The following SREK1 variants were observed in gnomAD, a reference collection of about 807,000 sequenced individuals.
SREK1 encodes the protein splicing regulatory glutamine/lysine-rich protein 1.
Under a neutral mutation model 66.5 loss-of-function variants are expected in SREK1, and 13 were observed. The ratio of observed to expected loss-of-function variants is 0.20; its 90% CI spans 0.13 to 0.31. The LOEUF (loss-of-function observed/expected upper bound fraction) is 0.31. SREK1 is among the 10% of genes least tolerant of loss of function. SREK1 has a pLI of 1.00. For synonymous variants in SREK1, 265 were observed against 263.5 expected (o/e 1.01, Z -0.05); for missense variants, 607 against 769.6 (o/e 0.79, Z 2.50).
chr5:66,153,574 G>T lies in SREK1; in HGVS notation c.273G>T (p.Leu91=). The part of the protein sequence containing the change: ...LTNTVFIDRA[L]IVVPCAEGKI... ...ACACGGTTTTTATTGACAGAGCTCT[G>T]ATAGTTGTTCCTTGTGCAGAAGGTT... Residue 91 remains leucine, a synonymous_variant, in exon 2 of 12, where the codon CTG becomes CTT. Coordinates refer to ENST00000334121, the MANE Select transcript of SREK1 (RefSeq NM_001077199.3). 4 of 1,614,022 alleles carry T rather than the reference G, an allele frequency of 2.5e-6. No homozygotes were observed. Among genetic ancestry groups the T allele is most frequent in the Non-Finnish European group, 3.4e-6 (4 of 1,179,944 alleles).
chr5:66,167,500 C>A (rs1745271433), intron 7 of SREK1: 2 of 152,094 alleles, frequency 1.3e-5, no homozygotes, highest in Admixed American at 6.6e-5. Flanking sequence ...CAGAATAATA[C>A]AATTTCGCAT....
intron 9 of SREK1, 141 bp downstream of exon 9, chr5:66,171,088 T>G: frequency 9.6e-7 from 1 of 1,041,340 alleles, no homozygotes; most frequent in Non-Finnish European, 1.3e-6. Flanking sequence ...AATTTCAGAG[T>G]AAACATTTCT....
intron 7 of SREK1, chr5:66,169,780 C>G (rs1745481427): frequency 4.9e-6 from 1 of 204,826 alleles, no homozygotes; most frequent in South Asian, 1.2e-4. Context: ...AGGGAAAAAT[C>G]TTCTATACTG....
rs1746627755 is a variant in SREK1, at chr5:66,183,112, C to T, written c.*4244C>T. 1 of 151,990 alleles carries T rather than the reference C, an allele frequency of 6.6e-6. No individual in the cohort carries two copies. The highest frequency in any genetic ancestry group is 1.9e-4 in the East Asian group (1 of 5,192). The allele number at this position is 151,990 out of a possible 1,614,324, so 9.4% of individuals were successfully genotyped here. A position where few individuals can be genotyped will look rare whatever the true frequency, so the allele number is the denominator to read the frequency against. ...AGTTAACATTTTAATTTTAAAATTG[C>T]CAACTTTTGGGAGATTTCACATATT... On this transcript the variant is annotated 3_prime_UTR_variant, in exon 12 of 12. Transcript: ENST00000334121.
intron 10 of SREK1, among the ~76,000 whole-genome samples, chr5:66,175,508 T>C (rs1013853426): frequency 6.6e-6 from 1 of 152,130 alleles, no homozygotes; most frequent in Non-Finnish European, 1.5e-5. Context: ...AAGGGGTTTT[T>C]TGAATTTTTT....
intron 7 of SREK1, chr5:66,169,815 A>G (rs1164561116): frequency 3.6e-6 from 1 of 274,956 alleles, no homozygotes; most frequent in Non-Finnish European, 6.9e-6. Context: ...ATGACTAGCA[A>G]AAGCCACATC....
chr5:66,151,972 A>C (rs888932723), intron 1 of SREK1, among the ~76,000 whole-genome samples: 1 of 149,526 alleles, frequency 6.7e-6, no homozygotes, highest in Non-Finnish European at 1.5e-5. Flanking sequence ...CAGCCTCCTG[A>C]GTAGCTGGGA....
At chr5:66,145,153 G>GTCAC (rs1461018188) in intron 1 of SREK1, 1 of 985,378 alleles carries the variant, frequency 1.0e-6, no homozygotes, top group Non-Finnish European at 1.2e-6. Context: ...CTCCTGAAAG[G>GTCAC]TCACACTGTC....
chr5:66,160,667 T>C (rs1391159541), intron 3 of SREK1, among the ~76,000 whole-genome samples: 1 of 152,220 alleles, frequency 6.6e-6, no homozygotes, highest in Non-Finnish European at 1.5e-5. Context: ...TGATTTGACA[T>C]GTTTTAAAAA....
chr5:66,169,911 T>C (rs1329162322), intron 7 of SREK1, 140 bp from the exon 8 acceptor site: 2 of 571,682 alleles, frequency 3.5e-6, no homozygotes, highest in South Asian at 4.6e-5. Flanking sequence ...CCAGTAAATG[T>C]ATTTCAGATT....
Position 66,181,322 on chromosome 5 carries a change from G to C in SREK1, c.*2454G>C, listed in dbSNP as rs538968071. 12 of 152,286 alleles carry C rather than the reference G, an allele frequency of 7.9e-5. 1 individual carries two copies. Among genetic ancestry groups the C allele is most frequent in the African/African-American group, 2.2e-4 (9 of 41,578 alleles). The allele number at this position is 152,286 out of a possible 1,614,324, so 9.4% of individuals were successfully genotyped here. A position where few individuals can be genotyped will look rare whatever the true frequency, so the allele number is the denominator to read the frequency against. On this transcript the variant is annotated 3_prime_UTR_variant, in exon 12 of 12. Coordinates refer to ENST00000334121, the MANE Select transcript of SREK1 (RefSeq NM_001077199.3). ...TGTGTCCATGTGTGCGCATGCGCAC[G>C]TGTGTATCTGTTTGAGACATACTTT...
intron 1 of SREK1, among the ~76,000 whole-genome samples, chr5:66,151,259 T>C (rs1643415): frequency 0.32 from 48,183 of 152,082 alleles, 8,962 homozygotes; most frequent in African/African-American, 0.5. Flanking sequence ...GTCGTTGTGG[T>C]GGAGGAAAAG....
At chr5:66,176,857 G>T (rs1325881725) in intron 10 of SREK1, among the ~76,000 whole-genome samples, 1 of 151,910 alleles carries the variant, frequency 6.6e-6, no homozygotes, top group African/African-American at 2.4e-5. Context: ...TTACTAATTG[G>T]TTATGGTTTT....
Position 66,170,771 on chromosome 5 carries a change from A to G in SREK1, c.1308A>G (p.Glu436=), listed in dbSNP as rs1745578422. The change falls in exon 9 of 12, where the codon GAA becomes GAG. Residue 436 remains glutamate, a synonymous_variant. Coordinates refer to ENST00000334121, the MANE Select transcript of SREK1 (RefSeq NM_001077199.3). ...EKDKEKDRER[E]REKEHEKDRD... is the part of the protein sequence containing the mutation. ...ACAAGGAAAAGGACAGAGAGAGAGAACGGGAAAAAGAGCATGAGAAGGATC... is the reference window on the plus strand; with the variant it reads ...ACAAGGAAAAGGACAGAGAGAGAGAGCGGGAAAAAGAGCATGAGAAGGATC... 6.2e-7 allele frequency: 1 copy of G among 1,602,772 alleles called. No individual in the cohort carries two copies. Among genetic ancestry groups the G allele is most frequent in the Non-Finnish European group, 8.5e-7 (1 of 1,174,010 alleles).
chr5:66,151,991 G>A (rs1160083677), intron 1 of SREK1, among the ~76,000 whole-genome samples: 1 of 151,610 alleles, frequency 6.6e-6, no homozygotes, highest in Admixed American at 6.6e-5. Flanking sequence ...GACTACAGGC[G>A]CCCGCCACCA....
In SREK1 at chr5:66,165,105, ACTTAT is replaced by A. The variant is rs1057229411; in HGVS notation, c.1001+212_1001+216del. The A allele has an allele frequency of 3.2e-5, 14 of 436,398 alleles. No homozygotes were observed. The Admixed American group carries it at 4.3e-4, about 13-fold the overall frequency. The allele number at this position is 436,398 out of a possible 1,614,324, so 27.0% of individuals were successfully genotyped here. On this transcript the variant is annotated intron_variant, in intron 7 of 11. Coordinates refer to ENST00000334121, the MANE Select transcript of SREK1 (RefSeq NM_001077199.3). ...TGATACTTAATTTTTAAATATTTGA[ACTTAT>A]CTTTATTTTTAGAAGTTAGTTTTGT... is the stretch of plus-strand genomic sequence containing the variant.
intron 3 of SREK1, among the ~76,000 whole-genome samples, chr5:66,161,820 C>T (rs1236103323): frequency 1.3e-5 from 2 of 152,090 alleles, no homozygotes; most frequent in East Asian, 1.9e-4. Context: ...TCATTGTTCA[C>T]GGAAACTATA....
At chr5:66,169,771 G>A (rs1255937111) in intron 7 of SREK1, 1 of 194,160 alleles carries the variant, frequency 5.2e-6, no homozygotes, top group Non-Finnish European at 1.1e-5. Flanking sequence ...CAAGTCAACA[G>A]GGAAAAATCT....
intron 2 of SREK1, chr5:66,156,962 G>C (rs780629697): frequency 1.0e-5 from 10 of 985,154 alleles, no homozygotes; most frequent in Non-Finnish European, 1.2e-5. Flanking sequence ...TGGGAAAAAT[G>C]CTAAATGCTT....
Sources: gnomAD v4.1 joint callset for allele counts (sites outside exome capture counted in the v4.1 genomes callset) on GRCh38, gnomAD v4.1.1 for gene constraint, MANE v1.5 for transcripts, NCBI Gene and HGNC (gene_info 2026-07-23, HGNC 2026-07-21) for gene names.